The following PAQR5 variants were observed in gnomAD, a reference collection of about 807,000 sequenced individuals.
The protein encoded by PAQR5 is progestin and adipoQ receptor family member 5.
A neutral mutation model predicts 34.5 loss-of-function variants in PAQR5; 20 were observed. The observed-to-expected ratio is 0.58, with a 90% CI of 0.41 to 0.84. The LOEUF is 0.84. PAQR5 is among the 40% of genes least tolerant of loss of function. PAQR5 has a pLI of 0.00. For missense variants in PAQR5, 378 were observed against 412.7 expected, an observed-to-expected ratio of 0.92 and a Z score of 0.73; for synonymous variants, 131 against 155.6, an observed-to-expected ratio of 0.84 and a Z score of 1.18.
intron 7 of PAQR5, 72 bp from the exon 8 acceptor site, chr15:69,399,902 G>A (rs1567044427): frequency 8.7e-6 from 13 of 1,497,164 alleles, no homozygotes; most frequent in Admixed American, 6.0e-5. Context: ...CCCAGATGCA[G>A]GTGCTGAGAA....
intron 3 of PAQR5, among the ~76,000 whole-genome samples, chr15:69,371,782 C>T (rs1185643768): frequency 1.3e-5 from 2 of 152,140 alleles, no homozygotes; most frequent in Admixed American, 6.5e-5. Context: ...TTTTTAATCC[C>T]TTTAAAAATG....
intron 2 of PAQR5, among the ~76,000 whole-genome samples, chr15:69,358,232 A>G (rs2055131080): frequency 6.6e-6 from 1 of 152,140 alleles, no homozygotes; most frequent in Non-Finnish European, 1.5e-5. Context: ...TGTGGTGCAC[A>G]TTACTCACAG....
chr15:69,324,140 A>AAAAG (rs1420015108), intron 1 of PAQR5, among the ~76,000 whole-genome samples: 4 of 151,314 alleles, frequency 2.6e-5, no homozygotes, highest in Non-Finnish European at 5.9e-5. Context: ...AAAAAAAAAA[A>AAAAG]AAAAGAAAAA....
chr15:69,376,788 G>A (rs2055718445), intron 3 of PAQR5, among the ~76,000 whole-genome samples: 1 of 152,258 alleles, frequency 6.6e-6, no homozygotes, highest in African/African-American at 2.4e-5. Flanking sequence ...ATTCCTAAAT[G>A]AGGTCAAGTT....
chr15:69,380,188 C>T, intron 4 of PAQR5, 178 bp downstream of exon 4: 1 of 659,420 alleles, frequency 1.5e-6, no homozygotes, highest in Admixed American at 2.8e-5. Context: ...GGGTGTGCCA[C>T]TGGGATGACC....
At chr15:69,367,730 C>T (rs905928315) in intron 3 of PAQR5, among the ~76,000 whole-genome samples, 2 of 152,140 alleles carry the variant, frequency 1.3e-5, no homozygotes, top group African/African-American at 4.8e-5. Context: ...GATTCGGGCA[C>T]AGAAAGTTTA....
intron 1 of PAQR5, among the ~76,000 whole-genome samples, chr15:69,303,283 C>T (rs1245742935): frequency 6.6e-6 from 1 of 152,034 alleles, no homozygotes; most frequent in African/African-American, 2.4e-5. Context: ...CTTTGAATTA[C>T]CTTGGTTGCT....
intron 2 of PAQR5, among the ~76,000 whole-genome samples, chr15:69,338,235 T>G (rs2054556632): frequency 6.6e-6 from 1 of 151,980 alleles, no homozygotes; most frequent in Admixed American, 6.6e-5. Flanking sequence ...CACTGCCTAG[T>G]GGCAAAATTA....
chr15:69,340,878 GATGTGTATAAT>G (rs2054622689), intron 2 of PAQR5, among the ~76,000 whole-genome samples: 1 of 152,144 alleles, frequency 6.6e-6, no homozygotes, highest in African/African-American at 2.4e-5. Flanking sequence ...GCAGCAACAG[GATGTGTATAAT>G]ATGTATTTTT....
intron 2 of PAQR5, among the ~76,000 whole-genome samples, chr15:69,339,176 C>CG (rs1555415751): frequency 1.4e-5 from 2 of 146,566 alleles, no homozygotes; most frequent in Admixed American, 6.8e-5. Context: ...CTACACCCCC[C>CG]ACCCCGCCAC....
chr15:69,303,141 A>G (rs2053642187), intron 1 of PAQR5, among the ~76,000 whole-genome samples: 1 of 152,174 alleles, frequency 6.6e-6, no homozygotes, highest in South Asian at 2.1e-4. Context: ...AGATGAACAC[A>G]TCCAATGCAC....
At chr15:69,364,661 GTA>G (rs1487233740) in intron 3 of PAQR5, among the ~76,000 whole-genome samples, 4 of 140,194 alleles carry the variant, frequency 2.9e-5, no homozygotes, top group African/African-American at 1.0e-4. Context: ...GTGTGTGTGT[GTA>G]TAAGTAATCT....
At chr15:69,320,960 G>C (rs181023071) in intron 1 of PAQR5, among the ~76,000 whole-genome samples, 1 of 152,112 alleles carries the variant, frequency 6.6e-6, no homozygotes, top group Admixed American at 6.5e-5. Context: ...AATATTTTCC[G>C]CCGACAAGGC....
intron 3 of PAQR5, among the ~76,000 whole-genome samples, chr15:69,361,697 G>A (rs12440619): frequency 0.051 from 7,753 of 152,144 alleles, 383 homozygotes; most frequent in African/African-American, 0.12. Flanking sequence ...CACAGTTTGG[G>A]GGACAACACC....
chr15:69,399,844 A>C (rs2056567943), intron 7 of PAQR5, 130 bp from the exon 8 acceptor site: 1 of 879,144 alleles, frequency 1.1e-6, no homozygotes, highest in African/African-American at 1.7e-5. Flanking sequence ...TGGCCTCTGG[A>C]GTTTGTGTAT....
At chr15:69,361,417 A>C (rs2055228743) in intron 3 of PAQR5, among the ~76,000 whole-genome samples, 1 of 152,156 alleles carries the variant, frequency 6.6e-6, no homozygotes, top group Non-Finnish European at 1.5e-5. Context: ...AGACAGGGTG[A>C]TTGTTTCAGA....
Position 69,322,743 on chromosome 15 carries a change from GA to G in PAQR5, c.-276-14596del, listed in dbSNP as rs1478787318. ...AGAAGAAGAAGAAGAAGAAGAAGAA[GA>G]AGAAGAAGAAGAAGAAGAAGAAGAA... On this transcript the variant is annotated intron_variant, in intron 1 of 8. Coordinates refer to ENST00000395407, the MANE Select transcript of PAQR5 (RefSeq NM_017705.4). Among the ~76,000 whole-genome samples, 69 of 38,018 alleles carry G rather than the reference GA, an allele frequency of 1.8e-3. 12 individuals are homozygous for G. The highest frequency in any genetic ancestry group is 3.4e-3 in the African/African-American group (42 of 12,174). 24.9% of individuals were successfully genotyped at this position (38,018 alleles called of 152,430 possible). A position where few individuals can be genotyped will look rare whatever the true frequency, so the allele number is the denominator to read the frequency against.
chr15:69,384,102 GT>G (rs2056022376), intron 4 of PAQR5, among the ~76,000 whole-genome samples: 1 of 137,422 alleles, frequency 7.3e-6, no homozygotes, highest in African/African-American at 2.8e-5. Context: ...TGTGCTCATG[GT>G]GGAGGGTGAG....
At chr15:69,365,477 G>T (rs893110472) in intron 3 of PAQR5, among the ~76,000 whole-genome samples, 1 of 152,188 alleles carries the variant, frequency 6.6e-6, no homozygotes, top group African/African-American at 2.4e-5. Context: ...ATTCATTTAA[G>T]TTGTTAGTGT....
Sources: gnomAD v4.1 joint callset for allele counts (sites outside exome capture counted in the v4.1 genomes callset) on GRCh38, gnomAD v4.1.1 for gene constraint, MANE v1.5 for transcripts, NCBI Gene and HGNC (gene_info 2026-07-23, HGNC 2026-07-21) for gene names.